The following ATRX variants were observed in gnomAD, a reference collection of about 807,000 sequenced individuals.
ATRX encodes chromatin remodeler ATRX.
In ATRX, 12 loss-of-function variants were observed where a neutral mutation model predicts 172.6. That is an observed-to-expected ratio of 0.07 (90% CI 0.04 to 0.11). ATRX has a LOEUF of 0.11. Ranked by LOEUF, ATRX falls within the 10% of genes least tolerant of loss-of-function variation. The probability of loss-of-function intolerance (pLI) is 1.00; values close to 1 mark genes in which losing one functional copy is unlikely to be tolerated. For synonymous variants in ATRX, 674 were observed against 594.7 expected, an observed-to-expected ratio of 1.13 and a Z score of -1.94; for missense variants, 1,368 against 1,767.4, an observed-to-expected ratio of 0.77 and a Z score of 4.05.
chrX:77,563,975 A>C (rs1330288520), intron 28 of ATRX, among the ~76,000 whole-genome samples: 2 of 110,700 alleles, frequency 1.8e-5, no homozygotes, highest in African/African-American at 6.6e-5. Context: ...GATAAGATGG[A>C]TGTCCCAGCT....
At chrX:77,654,588 C>T (rs1389190415) in intron 13 of ATRX, among the ~76,000 whole-genome samples, 1 of 111,104 alleles carries the variant, frequency 9.0e-6, no homozygotes, top group Non-Finnish European at 1.9e-5. Context: ...AAAGTAACAA[C>T]TTTTGGTGAG....
chrX:77,612,226 C>T (rs2067186253), intron 22 of ATRX, among the ~76,000 whole-genome samples: 1 of 111,629 alleles, frequency 9.0e-6, no homozygotes, highest in African/African-American at 3.3e-5. Context: ...ATCGGCCCTA[C>T]TCCAGACCTT....
chrX:77,637,525 T>C (rs1260279249), intron 15 of ATRX, among the ~76,000 whole-genome samples: 4 of 111,159 alleles, frequency 3.6e-5, no homozygotes, highest in African/African-American at 1.3e-4. Flanking sequence ...ACCCAGAGGG[T>C]TGATCCCCCG....
chrX:77,766,535 C>T (rs1557195957), intron 1 of ATRX, among the ~76,000 whole-genome samples: 1 of 109,553 alleles, frequency 9.1e-6, no homozygotes, highest in African/African-American at 3.3e-5. Context: ...CTCCTCACCT[C>T]CCAGACGGGG....
Position 77,585,788 on chromosome X carries a change from T to C in ATRX, c.6217+4046A>G, listed in dbSNP as rs979829682. 2.7e-5 allele frequency among the ~76,000 whole-genome samples: 3 copies of C among 109,721 alleles called. No individual in the cohort carries two copies. The South Asian group carries it at 1.2e-3, about 43-fold the overall frequency. On this transcript the variant is annotated intron_variant, in intron 27 of 34. Coordinates refer to ENST00000373344, the MANE Select transcript of ATRX (RefSeq NM_000489.6). ...ATGGATAATGAAAATGTGATACTTATATACAATGGAATAGTATTCAGCCAT... is the reference window on the plus strand; with the variant it reads ...ATGGATAATGAAAATGTGATACTTACATACAATGGAATAGTATTCAGCCAT...
At chrX:77,739,353 A>C (rs1557180878) in intron 1 of ATRX, among the ~76,000 whole-genome samples, 1 of 109,487 alleles carries the variant, frequency 9.1e-6, no homozygotes, top group Non-Finnish European at 1.9e-5. Flanking sequence ...ATTCCATCAT[A>C]TATATATAAT....
chrX:77,694,050 C>T (rs1224739481), intron 5 of ATRX, 113 bp from the exon 6 acceptor site: 5 of 601,436 alleles, frequency 8.3e-6, no homozygotes, highest in South Asian at 4.9e-5. Context: ...TTCTTTCAAG[C>T]TTTAGATATT....
At chrX:77,632,129 G>C (rs781834447) in intron 19 of ATRX, among the ~76,000 whole-genome samples, 1 of 111,233 alleles carries the variant, frequency 9.0e-6, no homozygotes, top group Non-Finnish European at 1.9e-5. Flanking sequence ...CTCCTGAGTA[G>C]CTGGGACTAC....
rs914518605 is a variant in ATRX, at chrX:77,683,752, G to A, written c.1504C>T (p.Pro502Ser). Reference sequence around the variant, plus strand: ...GAAGTGTTGGCAGGTTCATATTGAGGTTCTTCTTTTCTATCAGATTTCTTA... The same window carrying A: ...GAAGTGTTGGCAGGTTCATATTGAGATTCTTCTTTTCTATCAGATTTCTTA... ...EHKKSDRKEEPQYEPANTSED... is the reference protein window; with the variant it reads ...EHKKSDRKEESQYEPANTSED... Residue 502 changes from proline to serine, a missense_variant, in exon 9 of 35, where the codon CCT becomes TCT. Around this residue, in one of 17 missense-constraint regions of ATRX, gnomAD observed 843 missense variants for 643.1 expected, o/e 1.31. Transcript: ENST00000373344. 2 of 1,210,572 alleles carry A rather than the reference G, an allele frequency of 1.7e-6. No homozygotes were observed. Among genetic ancestry groups the A allele is most frequent in the Non-Finnish European group, 2.2e-6 (2 of 894,712 alleles).
In ATRX at chrX:77,577,887, A is replaced by G. The variant is rs190424438; in HGVS notation, c.6218-3529T>C. ...AAAAAGCACCATCATAAGAAACAAA[A>G]ATCAGGTGAGCAATTATAGTACCTG... On this transcript the variant is annotated intron_variant, in intron 27 of 34. Transcript: ENST00000373344. 8.3e-3 allele frequency among the ~76,000 whole-genome samples: 929 copies of G among 111,809 alleles called. 13 individuals are homozygous for G. The highest frequency in any genetic ancestry group is 0.029 in the African/African-American group (891 of 30,714).
intron 27 of ATRX, among the ~76,000 whole-genome samples, chrX:77,582,128 G>A (rs782158395): frequency 2.7e-5 from 3 of 111,515 alleles, no homozygotes; most frequent in Middle Eastern, 9.3e-3. Flanking sequence ...GGCTGGTCGC[G>A]GTGGCTCATG....
chrX:77,553,904 C>T, intron 30 of ATRX, among the ~76,000 whole-genome samples: 1 of 111,831 alleles, frequency 8.9e-6, no homozygotes, highest in Middle Eastern at 4.6e-3. Context: ...GAACAGAATC[C>T]TAGACTTATT....
At chrX:77,750,617 ACCCATC>A (rs1466884280) in intron 1 of ATRX, among the ~76,000 whole-genome samples, 1 of 109,940 alleles carries the variant, frequency 9.1e-6, no homozygotes, top group Non-Finnish European at 1.9e-5. Flanking sequence ...GCACCTATCA[ACCCATC>A]ATCTAGGTTT....
chrX:77,539,847 A>T (rs986341860), intron 30 of ATRX, among the ~76,000 whole-genome samples: 2 of 112,210 alleles, frequency 1.8e-5, no homozygotes, highest in Non-Finnish European at 3.8e-5. Flanking sequence ...AACCAGTATA[A>T]GACACTGCAA....
intron 10 of ATRX, among the ~76,000 whole-genome samples, chrX:77,670,836 A>G (rs781958190): frequency 9.3e-6 from 1 of 107,325 alleles, no homozygotes; most frequent in South Asian, 4.1e-4. Flanking sequence ...CAAAATTAGT[A>G]TCTTAAGTTT....
intron 10 of ATRX, among the ~76,000 whole-genome samples, chrX:77,668,061 A>C (rs1557127343): frequency 8.9e-6 from 1 of 112,021 alleles, no homozygotes. Context: ...AATATGTCAA[A>C]GACCCAGTCT....
chrX:77,693,233 C>G (rs2072006487), intron 6 of ATRX, among the ~76,000 whole-genome samples: 1 of 111,109 alleles, frequency 9.0e-6, no homozygotes, highest in Non-Finnish European at 1.9e-5. Context: ...AGAGGTGCCT[C>G]TGGAAGACAG....
intron 1 of ATRX, among the ~76,000 whole-genome samples, chrX:77,740,296 A>G (rs1557181440): frequency 9.1e-6 from 1 of 109,696 alleles, no homozygotes; most frequent in African/African-American, 3.3e-5. Flanking sequence ...GAACAGAAAC[A>G]CTCAAGTAGA....
intron 15 of ATRX, among the ~76,000 whole-genome samples, chrX:77,639,327 C>T (rs2068541913): frequency 8.9e-6 from 1 of 112,027 alleles, no homozygotes; most frequent in African/African-American, 3.3e-5. Context: ...AACAATCTGC[C>T]ATGTTGTGGA....
Sources: allele counts gnomAD v4.1 joint callset (sites outside exome capture counted in the v4.1 genomes callset), GRCh38; gene constraint gnomAD v4.1.1; regional missense constraint gnomAD v4.1.1; transcripts MANE v1.5; gene names NCBI Gene and HGNC (gene_info 2026-07-23, HGNC 2026-07-21).